Variants in STAT3 observed in about 807,000 individuals in gnomAD.
The protein encoded by STAT3 is DNA-binding protein APRF.
A neutral mutation model predicts 114.3 loss-of-function variants in STAT3; 7 were observed. That is an observed-to-expected ratio of 0.06 (90% CI 0.03 to 0.11). STAT3 has a LOEUF of 0.11. Among genes scored for constraint, STAT3 ranks in the 10% least tolerant of loss-of-function variants. STAT3 has a pLI of 1.00. For synonymous variants in STAT3, 331 were observed against 354.5 expected (o/e 0.93, Z 0.74); for missense variants, 364 against 960.9 (o/e 0.38, Z 8.21).
At chr17:42,381,012 T>A (rs895173976) in intron 1 of STAT3, among the ~76,000 whole-genome samples, 4 of 152,208 alleles carry the variant, frequency 2.6e-5, no homozygotes, top group African/African-American at 9.7e-5. Flanking sequence ...TGCTTCATCC[T>A]CTCAATTACT....
At chr17:42,376,721 C>T (rs2084491477) in intron 1 of STAT3, among the ~76,000 whole-genome samples, 2 of 151,944 alleles carry the variant, frequency 1.3e-5, no homozygotes, top group Non-Finnish European at 2.9e-5. Context: ...TGACGGGCGC[C>T]TGTAGTCCCA....
At chr17:42,316,305 T>C (rs2081248181) in intron 23 of STAT3, 1 of 355,128 alleles carries the variant, frequency 2.8e-6, no homozygotes, top group Non-Finnish European at 5.4e-6. Flanking sequence ...GCACGATCTC[T>C]GCTCACTGCA....
chr17:42,326,275 A>G, intron 14 of STAT3, 76 bp from the exon 15 acceptor site: 1 of 1,354,640 alleles, frequency 7.4e-7, no homozygotes, highest in Non-Finnish European at 1.1e-6. Context: ...TGGGAGGCCA[A>G]GGCAGGAGGA....
intron 4 of STAT3, among the ~76,000 whole-genome samples, chr17:42,340,329 T>C (rs1273012600): frequency 7.0e-6 from 1 of 143,548 alleles, no homozygotes. Flanking sequence ...CACTCCAGCC[T>C]GAGCAACAAA....
chr17:42,375,668 A>C (rs990537907), intron 1 of STAT3, among the ~76,000 whole-genome samples: 3 of 152,084 alleles, frequency 2.0e-5, no homozygotes, highest in Middle Eastern at 3.4e-3. Context: ...CATCTCTAAT[A>C]AAAATACAAA....
intron 1 of STAT3, among the ~76,000 whole-genome samples, chr17:42,382,793 T>C (rs1481732583): frequency 1.3e-5 from 2 of 151,840 alleles, no homozygotes; most frequent in Non-Finnish European, 2.9e-5. Flanking sequence ...ACTACAGGCG[T>C]CTGCCACCAC....
intron 4 of STAT3, among the ~76,000 whole-genome samples, chr17:42,344,194 G>A (rs1056016508): frequency 1.4e-4 from 21 of 151,282 alleles, no homozygotes; most frequent in African/African-American, 3.6e-4. Flanking sequence ...AGGCCGAGGC[G>A]GGCGGATCAC....
intron 10 of STAT3, among the ~76,000 whole-genome samples, chr17:42,331,998 G>A (rs1204511433): frequency 3.3e-5 from 5 of 151,028 alleles, no homozygotes; most frequent in Non-Finnish European, 5.9e-5. Context: ...CGCAATCTCC[G>A]TTCACCGCAA....
intron 1 of STAT3, among the ~76,000 whole-genome samples, chr17:42,371,660 G>C (rs1346276807): frequency 1.9e-4 from 26 of 138,412 alleles, no homozygotes; most frequent in Admixed American, 4.5e-4. Flanking sequence ...TGGTCAACAG[G>C]AGCAAAACTC....
chr17:42,322,696 T>C (rs1378760910), intron 20 of STAT3, among the ~76,000 whole-genome samples: 1 of 152,224 alleles, frequency 6.6e-6, no homozygotes, highest in East Asian at 1.9e-4. Context: ...AGTTGGGTCA[T>C]AGAAAATAAA....
At chr17:42,317,832 A>T (rs982548261) in intron 21 of STAT3, among the ~76,000 whole-genome samples, 3 of 152,212 alleles carry the variant, frequency 2.0e-5, no homozygotes, top group African/African-American at 7.2e-5. Context: ...AAAAGCACCA[A>T]AGAGAATGTG....
chr17:42,378,340 G>C (rs2084588131), intron 1 of STAT3, among the ~76,000 whole-genome samples: 1 of 152,162 alleles, frequency 6.6e-6, no homozygotes, highest in African/African-American at 2.4e-5. Flanking sequence ...CTGCCTCCCA[G>C]GTTCAAGCGA....
chr17:42,335,129 C>CTT (rs367729820), intron 8 of STAT3, among the ~76,000 whole-genome samples: 6 of 144,758 alleles, frequency 4.1e-5, no homozygotes, highest in Admixed American at 1.4e-4. Flanking sequence ...TTCTTTCTTT[C>CTT]TTTTTTTTTT....
rs776199722 is a variant in STAT3, at chr17:42,324,663, C to T, written c.1600+48G>A. Reference sequence around the variant, plus strand: ...AAATGAACAGCCCTATGGGCCGGATCCCTTTTCTGGGCGGGTGGGCGGGAG... The same window carrying T: ...AAATGAACAGCCCTATGGGCCGGATTCCTTTTCTGGGCGGGTGGGCGGGAG... On this transcript the variant is annotated intron_variant, in intron 17 of 23. Transcript: ENST00000264657. The surrounding 1 kb of genome is among the most constrained non-coding windows in gnomAD (Gnocchi z 4.5). The T allele has an allele frequency of 1.4e-6, 2 of 1,435,182 alleles. No homozygotes were observed. The highest frequency in any genetic ancestry group is 1.7e-5 in the African/African-American group (1 of 58,140). The allele number at this position is 1,435,182 out of a possible 1,614,324, so 88.9% of individuals were successfully genotyped here.
At chr17:42,381,605 G>A (rs1471208497) in intron 1 of STAT3, among the ~76,000 whole-genome samples, 2 of 151,732 alleles carry the variant, frequency 1.3e-5, no homozygotes, top group East Asian at 1.9e-4. Context: ...GGTGGCGGGC[G>A]CCTGTAGTCC....
intron 1 of STAT3, among the ~76,000 whole-genome samples, chr17:42,369,960 C>T (rs554363093): frequency 3.2e-4 from 48 of 151,890 alleles, no homozygotes; most frequent in South Asian, 2.1e-4. Context: ...TGCACTTTGG[C>T]CATGTGTTGG....
At chr17:42,364,379 C>A (rs1382128064) in intron 1 of STAT3, among the ~76,000 whole-genome samples, 1 of 152,174 alleles carries the variant, frequency 6.6e-6, no homozygotes, top group Non-Finnish European at 1.5e-5. Flanking sequence ...GTTGAGCAAG[C>A]ACATTGTCAT....
At position 42,371,544 on chromosome 17, in the gene STAT3, C is replaced by T. The variant is rs2084137291; in HGVS notation, c.-24+16735G>A. ...AAAAAAAATTAGCCAGGCGTAGTGG[C>T]GGGCGCCTATAATCCCAGCTACTCA... is the stretch of plus-strand genomic sequence containing the variant. On this transcript the variant is annotated intron_variant, in intron 1 of 23. Transcript: ENST00000264657. 1.3e-5 allele frequency among the ~76,000 whole-genome samples: 2 copies of T among 150,384 alleles called. 1 individual carries two copies. Among genetic ancestry groups the T allele is most frequent in the South Asian group, 4.2e-4 (2 of 4,764 alleles).
chr17:42,372,859 A>G (rs931353832), intron 1 of STAT3, among the ~76,000 whole-genome samples: 2 of 134,138 alleles, frequency 1.5e-5, no homozygotes, highest in Admixed American at 7.2e-5. Context: ...AAAAATAATA[A>G]TAATAAAATA....
Sources: gnomAD v4.1 joint callset for allele counts (sites outside exome capture counted in the v4.1 genomes callset) on GRCh38, gnomAD v4.1.1 for gene constraint, Gnocchi (gnomAD v3.1) non-coding constraint, MANE v1.5 for transcripts, NCBI Gene and HGNC (gene_info 2026-07-23, HGNC 2026-07-21) for gene names.